Variants in PDE4D observed in about 807,000 individuals in gnomAD.
PDE4D encodes phosphodiesterase 4D, also known as 3',5'-cyclic-AMP phosphodiesterase 4D.
Under a neutral mutation model 87.4 loss-of-function variants are expected in PDE4D, and 24 were observed. That is an observed-to-expected ratio of 0.27 (90% CI 0.20 to 0.39). The LOEUF is 0.39. PDE4D is among the 10% of genes least tolerant of loss of function. The pLI, the probability that PDE4D is intolerant of heterozygous loss-of-function variation, is 1.00. For missense variants in PDE4D, 714 were observed against 1,041.0 expected (o/e 0.69, Z 4.32); for synonymous variants, 384 against 383.2 (o/e 1.00, Z -0.02).
intron 1 of PDE4D, among the ~76,000 whole-genome samples, chr5:60,390,813 T>C (rs1399764580): frequency 1.3e-5 from 2 of 152,156 alleles, no homozygotes; most frequent in African/African-American, 4.8e-5. Flanking sequence ...AGGAACCCTC[T>C]GCCCTCAGAG....
intron 1 of PDE4D, among the ~76,000 whole-genome samples, chr5:59,645,597 G>A (rs1020442745): frequency 3.9e-5 from 6 of 152,020 alleles, no homozygotes; most frequent in East Asian, 1.9e-4. Context: ...TAGCTTCCAC[G>A]AACACACCTG....
At chr5:59,184,062 T>C (rs2153479909) in intron 4 of PDE4D, among the ~76,000 whole-genome samples, 1 of 152,218 alleles carries the variant, frequency 6.6e-6, no homozygotes, top group South Asian at 2.1e-4. Context: ...TTGGGTATCA[T>C]CAGGGACAAT....
At chr5:59,137,470 G>A (rs1397886708) in intron 5 of PDE4D, among the ~76,000 whole-genome samples, 1 of 151,708 alleles carries the variant, frequency 6.6e-6, no homozygotes, top group Non-Finnish European at 1.5e-5. Flanking sequence ...AAATGGAAAT[G>A]GTATCTATGA....
At chr5:59,618,787 G>C (rs1486943593) in intron 1 of PDE4D, among the ~76,000 whole-genome samples, 1 of 152,116 alleles carries the variant, frequency 6.6e-6, no homozygotes. Context: ...GGACCTTTAA[G>C]AGGTAATTAG....
At chr5:59,775,625 C>T (rs1416446587) in intron 1 of PDE4D, among the ~76,000 whole-genome samples, 44 of 152,162 alleles carry the variant, frequency 2.9e-4, no homozygotes, top group Admixed American at 2.9e-3. Flanking sequence ...AAACACCAGA[C>T]ATTTAGTGCA....
At chr5:59,368,234 T>G (rs1471858259) in intron 1 of PDE4D, among the ~76,000 whole-genome samples, 1 of 152,242 alleles carries the variant, frequency 6.6e-6, no homozygotes, top group Non-Finnish European at 1.5e-5. Flanking sequence ...AAATAGGAAA[T>G]TAGCATCTAT....
chr5:59,522,279 T>C (rs914628222), intron 1 of PDE4D, among the ~76,000 whole-genome samples: 2 of 152,222 alleles, frequency 1.3e-5, no homozygotes, highest in South Asian at 2.1e-4. Flanking sequence ...AGGGTGTTTA[T>C]TTGGAGAGGA....
rs56284898 is a variant in PDE4D, at chr5:59,122,141, CAAAAAAAAAAAAAA to C, written c.808+58440_808+58453del. ...TGGATGACAGAGCAAGACTCTATCT[CAAAAAAAAAAAAAA>C]AAAAAAAAAAAGCAAGAAAGAAAGG... is the stretch of plus-strand genomic sequence containing the variant. On this transcript the variant is annotated intron_variant, in intron 5 of 14. Transcript: ENST00000340635. Among the ~76,000 whole-genome samples the C allele has an allele frequency of 5.3e-4, 38 of 71,594 alleles. 2 individuals are homozygous for C. The South Asian group carries it at 0.023, about 43-fold the overall frequency. 47.0% of individuals were successfully genotyped at this position (71,594 alleles called of 152,430 possible). A position where few individuals can be genotyped will look rare whatever the true frequency, so the allele number is the denominator to read the frequency against.
chr5:60,310,328 G>T (rs1199801084), intron 1 of PDE4D, among the ~76,000 whole-genome samples: 1 of 152,132 alleles, frequency 6.6e-6, no homozygotes, highest in Non-Finnish European at 1.5e-5. Context: ...TAAAAATCAA[G>T]AATGTTTGCT....
chr5:60,209,666 A>T (rs2898269), intron 1 of PDE4D, among the ~76,000 whole-genome samples: 10,016 of 152,010 alleles, frequency 0.066, 429 homozygotes, highest in Non-Finnish European at 0.1. Flanking sequence ...TATTACACTT[A>T]CGCTGGCAGA....
Position 60,016,023 on chromosome 5 carries a change from C to CTG in PDE4D, c.43-27307_43-27306insCA, listed in dbSNP as rs1203407485. On this transcript the variant is annotated intron_variant, in intron 2 of 16. Transcript: ENST00000502484. ...AAAATAATCTCTGTTCTCTCTCTCT[C>CTG]TCTGTGTGTGTGTGTGTGTGTGTGT... 2.1e-3 allele frequency among the ~76,000 whole-genome samples: 310 copies of CTG among 147,360 alleles called. 1 individual carries two copies. The highest frequency in any genetic ancestry group is 6.4e-3 in the African/African-American group (255 of 39,692).
intron 3 of PDE4D, among the ~76,000 whole-genome samples, chr5:59,947,173 G>T (rs1358271483): frequency 6.6e-6 from 1 of 152,174 alleles, no homozygotes; most frequent in Non-Finnish European, 1.5e-5. Flanking sequence ...ATTACATTTG[G>T]CTATTTCCAA....
intron 2 of PDE4D, among the ~76,000 whole-genome samples, chr5:60,153,720 G>C (rs746417962): frequency 6.6e-6 from 1 of 152,100 alleles, no homozygotes; most frequent in East Asian, 1.9e-4. Context: ...GCAACAACAC[G>C]TTTGAACCTA....
chr5:59,316,315 G>A (rs1773720582), intron 1 of PDE4D, among the ~76,000 whole-genome samples: 1 of 152,020 alleles, frequency 6.6e-6, no homozygotes, highest in Non-Finnish European at 1.5e-5. Flanking sequence ...ATGAAAACTA[G>A]TCTTTCTGTT....
intron 6 of PDE4D, among the ~76,000 whole-genome samples, chr5:59,032,845 T>C (rs1211604261): frequency 6.6e-6 from 1 of 152,210 alleles, no homozygotes; most frequent in African/African-American, 2.4e-5. Flanking sequence ...ATTTTCCCCT[T>C]TCATTATCGC....
intron 1 of PDE4D, among the ~76,000 whole-genome samples, chr5:59,232,759 G>C (rs1347671723): frequency 6.6e-6 from 1 of 151,798 alleles, no homozygotes; most frequent in African/African-American, 2.4e-5. Flanking sequence ...CAATAGCTAA[G>C]ATATGGAATC....
intron 1 of PDE4D, among the ~76,000 whole-genome samples, chr5:59,565,417 G>A (rs1820711782): frequency 6.6e-6 from 1 of 152,164 alleles, no homozygotes; most frequent in African/African-American, 2.4e-5. Context: ...TACTTGAGAG[G>A]CTGAAGTGGG....
chr5:59,468,009 G>T (rs1215537763), intron 1 of PDE4D, among the ~76,000 whole-genome samples: 1 of 151,810 alleles, frequency 6.6e-6, no homozygotes, highest in African/African-American at 2.4e-5. Context: ...TCAAAAAAAA[G>T]TTCCCTCAGC....
chr5:59,855,338 C>T (rs1326440242), intron 1 of PDE4D, among the ~76,000 whole-genome samples: 1 of 152,086 alleles, frequency 6.6e-6, no homozygotes, highest in Non-Finnish European at 1.5e-5. Flanking sequence ...ACTTCTTAAG[C>T]CTCACTTTTA....
Sources: gnomAD v4.1 joint callset for allele counts (sites outside exome capture counted in the v4.1 genomes callset) on GRCh38, gnomAD v4.1.1 for gene constraint, MANE v1.5 for transcripts, NCBI Gene and HGNC (gene_info 2026-07-23, HGNC 2026-07-21) for gene names.